ASIC2: variants seen among roughly 807,000 people sequenced by gnomAD.
The protein encoded by ASIC2 is acid sensing ion channel subunit 2.
ASIC2 carries 25 observed loss-of-function variants against 57.3 expected under a neutral mutation model. The observed-to-expected ratio is 0.44, with a 90% confidence interval of 0.32 to 0.61. ASIC2 has a LOEUF of 0.61. Ranked by LOEUF, ASIC2 falls within the 20% of genes least tolerant of loss-of-function variation. The pLI is 0.06. For missense variants in ASIC2, 641 were observed against 738.1 expected (o/e 0.87, Z 1.52); for synonymous variants, 319 against 307.5 (o/e 1.04, Z -0.39).
chr17:33,870,622 G>C (rs1303464675), intron 1 of ASIC2, among the ~76,000 whole-genome samples: 1 of 152,058 alleles, frequency 6.6e-6, no homozygotes, highest in Non-Finnish European at 1.5e-5. Flanking sequence ...GGATGAGTGG[G>C]TGGGTGTGGG....
At chr17:33,784,370 T>C (rs1481456717) in intron 1 of ASIC2, among the ~76,000 whole-genome samples, 3 of 152,176 alleles carry the variant, frequency 2.0e-5, no homozygotes, top group Non-Finnish European at 4.4e-5. Context: ...ATTTGCATTT[T>C]GAACAATCTC....
chr17:33,642,074 G>A (rs1906584219), intron 1 of ASIC2, among the ~76,000 whole-genome samples: 1 of 152,084 alleles, frequency 6.6e-6, no homozygotes, highest in African/African-American at 2.4e-5. Flanking sequence ...TATTATCAGA[G>A]AGCACCAAGA....
In ASIC2 at chr17:33,063,424, T is replaced by C. The variant is rs2092029188; in HGVS notation, c.987+25439A>G. ...TTTATTTCTCCTTCACTTATGAAGCTTAGTTTGGCTGGATATGAAATTATG... is the reference window on the plus strand; with the variant it reads ...TTTATTTCTCCTTCACTTATGAAGCCTAGTTTGGCTGGATATGAAATTATG... On this transcript the variant is annotated intron_variant, in intron 3 of 9. Transcript: ENST00000225823. 2.0e-5 allele frequency among the ~76,000 whole-genome samples: 3 copies of C among 152,190 alleles called. No homozygotes were observed. In the South Asian group the frequency reaches 6.2e-4, roughly 32 times the overall value.
At chr17:33,134,208 A>G (rs1217521226) in intron 1 of ASIC2, among the ~76,000 whole-genome samples, 1 of 152,250 alleles carries the variant, frequency 6.6e-6, no homozygotes, top group East Asian at 1.9e-4. Flanking sequence ...CATTTTACAT[A>G]TAAGAAAGCC....
chr17:33,543,492 G>T (rs965481474), intron 1 of ASIC2, among the ~76,000 whole-genome samples: 5 of 152,120 alleles, frequency 3.3e-5, no homozygotes, highest in Non-Finnish European at 5.9e-5. Context: ...TCTCCCTGGA[G>T]CCCCTATTTC....
intron 1 of ASIC2, among the ~76,000 whole-genome samples, chr17:33,610,054 G>GCACACACACACACACACACACA (rs57533251): frequency 4.8e-5 from 7 of 144,736 alleles, no homozygotes; most frequent in Non-Finnish European, 6.0e-5. Flanking sequence ...GGACAGAGGC[G>GCACACACACACACACACACACA]CACACACACA....
chr17:34,027,942 C>T (rs1478193898), intron 1 of ASIC2, among the ~76,000 whole-genome samples: 5 of 152,168 alleles, frequency 3.3e-5, no homozygotes, highest in Admixed American at 6.5e-5. Flanking sequence ...GTGGGAATAA[C>T]GATATGCATT....
At chr17:33,593,580 T>A (rs1904892444) in intron 1 of ASIC2, among the ~76,000 whole-genome samples, 1 of 152,114 alleles carries the variant, frequency 6.6e-6, no homozygotes. Flanking sequence ...CTTGGTGAAA[T>A]GGTGATAATG....
At chr17:33,571,452 T>C (rs1916438581) in intron 1 of ASIC2, among the ~76,000 whole-genome samples, 1 of 152,200 alleles carries the variant, frequency 6.6e-6, no homozygotes, top group Admixed American at 6.5e-5. Context: ...GAGTAGGTAC[T>C]CAGTAGAAAT....
chr17:33,673,616 T>A (rs940405948), intron 1 of ASIC2, among the ~76,000 whole-genome samples: 10 of 152,130 alleles, frequency 6.6e-5, no homozygotes, highest in Admixed American at 2.6e-4. Flanking sequence ...ATGAAGGACA[T>A]GTCCTCTGTG....
At chr17:33,389,132 G>A (rs1045248961) in intron 1 of ASIC2, among the ~76,000 whole-genome samples, 19 of 152,026 alleles carry the variant, frequency 1.2e-4, no homozygotes, top group African/African-American at 3.4e-4. Flanking sequence ...GCTAATCTTC[G>A]TATTTTTTGT....
intron 1 of ASIC2, among the ~76,000 whole-genome samples, chr17:33,804,310 T>C (rs1037123385): frequency 6.6e-6 from 1 of 152,242 alleles, no homozygotes; most frequent in Non-Finnish European, 1.5e-5. Context: ...GTTGCTGAGA[T>C]GAGACAGATA....
intron 1 of ASIC2, among the ~76,000 whole-genome samples, chr17:34,132,477 C>T (rs1912013700): frequency 6.7e-6 from 1 of 149,890 alleles, no homozygotes; most frequent in Non-Finnish European, 1.5e-5. Flanking sequence ...GTCCTATCAG[C>T]GTGTCTTCAA....
At chr17:33,202,017 C>CAAAAAAAAAAAAAAAAAAAAAAAAAAAA (rs55724157) in intron 1 of ASIC2, among the ~76,000 whole-genome samples, 2 of 92,286 alleles carry the variant, frequency 2.2e-5, no homozygotes, top group African/African-American at 4.0e-5. Flanking sequence ...GAGACTGTCT[C>CAAAAAAAAAAAAAAAAAAAAAAAAAAAA]AAAAAAAAAA....
At chr17:33,666,399 G>C (rs1038341618) in intron 1 of ASIC2, among the ~76,000 whole-genome samples, 4 of 152,120 alleles carry the variant, frequency 2.6e-5, no homozygotes, top group African/African-American at 9.7e-5. Flanking sequence ...ACAGTGCAGC[G>C]GGCCGAGCAC....
chr17:33,086,225 G>A (rs1048800947), intron 3 of ASIC2, among the ~76,000 whole-genome samples: 1 of 152,178 alleles, frequency 6.6e-6, no homozygotes, highest in African/African-American at 2.4e-5. Flanking sequence ...ATGAAAAATA[G>A]CAGCCTACAG....
chr17:33,061,515 C>G (rs1567730664), intron 3 of ASIC2, among the ~76,000 whole-genome samples: 1 of 152,178 alleles, frequency 6.6e-6, no homozygotes, highest in African/African-American at 2.4e-5. Context: ...ATGAAGACAA[C>G]TTGATCATGG....
chr17:34,063,537 A>G (rs1390568294), intron 1 of ASIC2, among the ~76,000 whole-genome samples: 1 of 152,190 alleles, frequency 6.6e-6, no homozygotes, highest in Non-Finnish European at 1.5e-5. Flanking sequence ...GACAAGAGAA[A>G]GAAATAAAGG....
intron 1 of ASIC2, among the ~76,000 whole-genome samples, chr17:33,158,431 G>T (rs190126013): frequency 3.3e-5 from 5 of 152,334 alleles, no homozygotes; most frequent in Middle Eastern, 6.8e-3. Flanking sequence ...ACTGGTCTAG[G>T]GGGTGAATGA....
Sources: allele counts gnomAD v4.1 joint callset (sites outside exome capture counted in the v4.1 genomes callset), GRCh38; gene constraint gnomAD v4.1.1; transcripts MANE v1.5; gene names NCBI Gene and HGNC (gene_info 2026-07-23, HGNC 2026-07-21).